UIMC1: variants seen among roughly 807,000 people sequenced by gnomAD.
UIMC1 encodes ubiquitin interaction motif containing 1.
In UIMC1, 42 loss-of-function variants were observed where a neutral mutation model predicts 84.9. The ratio of observed to expected loss-of-function variants is 0.49; its 90% confidence interval spans 0.39 to 0.64. UIMC1 has a LOEUF of 0.64. Ranked by LOEUF, UIMC1 falls within the 30% of genes least tolerant of loss-of-function variation. UIMC1 has a pLI of 0.00. For synonymous variants in UIMC1, 281 were observed against 293.0 expected (o/e 0.96, Z 0.42); for missense variants, 825 against 847.6 (o/e 0.97, Z 0.33).
intron 1 of UIMC1, among the ~76,000 whole-genome samples, chr5:177,016,408 C>T (rs1477213879): frequency 2.7e-5 from 4 of 150,854 alleles, no homozygotes; most frequent in Non-Finnish European, 5.9e-5. Context: ...TAAAATTATC[C>T]AGGCTGGGCA....
chr5:176,947,002 G>T (rs1765206361), intron 9 of UIMC1, among the ~76,000 whole-genome samples: 1 of 152,162 alleles, frequency 6.6e-6, no homozygotes, highest in Non-Finnish European at 1.5e-5. Flanking sequence ...AATGTTACAT[G>T]ACGCAAATGT....
At position 177,003,138 on chromosome 5, in the gene UIMC1, CT is replaced by C. The variant is rs368147912; in HGVS notation, c.-9+3511del. Among the ~76,000 whole-genome samples, 44 of 152,160 alleles carry C rather than the reference CT, an allele frequency of 2.9e-4. No individual in the cohort carries two copies. The East Asian group carries it at 7.7e-3, about 27-fold the overall frequency. ...AAAAAAATTAAAGTGCCACGAAGCACTTTATCAACTAATTACAATGAGCTTA... is the reference window on the plus strand; with the variant it reads ...AAAAAAATTAAAGTGCCACGAAGCACTTATCAACTAATTACAATGAGCTTA... On this transcript the variant is annotated intron_variant, in intron 1 of 14. Coordinates refer to ENST00000511320, the MANE Select transcript of UIMC1 (RefSeq NM_001199298.2).
intron 6 of UIMC1, among the ~76,000 whole-genome samples, chr5:176,967,211 T>C (rs543201999): frequency 1.3e-5 from 2 of 152,236 alleles, no homozygotes; most frequent in African/African-American, 4.8e-5. Flanking sequence ...ATCTTCCATG[T>C]GGATGAAATG....
chr5:176,999,912 T>A (rs1000594600), intron 1 of UIMC1, among the ~76,000 whole-genome samples: 5 of 152,230 alleles, frequency 3.3e-5, no homozygotes, highest in African/African-American at 1.2e-4. Flanking sequence ...TTTGGATACA[T>A]ACCCAGCAGT....
rs573803803 is a variant in UIMC1, at chr5:176,942,663, G to A, written c.1597+672C>T. Among the ~76,000 whole-genome samples, 5 of 150,108 alleles carry A rather than the reference G, an allele frequency of 3.3e-5. No homozygotes were observed. In the East Asian group the frequency reaches 1.0e-3, roughly 30 times the overall value. On this transcript the variant is annotated intron_variant, in intron 10 of 14. Transcript: ENST00000511320. Reference sequence around the variant, plus strand: ...CGGGAGGCTGAGGCAGGAGAATGGTGTGAACCCAGGAGGCGGAGCTTTCAG... The same window carrying A: ...CGGGAGGCTGAGGCAGGAGAATGGTATGAACCCAGGAGGCGGAGCTTTCAG...
chr5:177,005,363 C>G (rs991893878), intron 1 of UIMC1, among the ~76,000 whole-genome samples: 2 of 152,062 alleles, frequency 1.3e-5, no homozygotes, highest in African/African-American at 4.8e-5. Flanking sequence ...GAGTGAGCCA[C>G]CAGGCCCGTC....
chr5:177,021,800 T>C (rs11957388), intron 1 of UIMC1, among the ~76,000 whole-genome samples: 21,147 of 152,106 alleles, frequency 0.14, 3,559 homozygotes, highest in African/African-American at 0.4. Flanking sequence ...TACAGGCATG[T>C]GCCACCACAC....
intron 1 of UIMC1, among the ~76,000 whole-genome samples, chr5:176,993,163 A>T (rs996980438): frequency 3.4e-5 from 5 of 148,880 alleles, no homozygotes; most frequent in Non-Finnish European, 7.4e-5. Context: ...CCTGGGCAAC[A>T]GAGCAAGACT....
intron 3 of UIMC1, among the ~76,000 whole-genome samples, chr5:176,974,275 A>G (rs534361566): frequency 2.6e-5 from 4 of 152,306 alleles, no homozygotes; most frequent in African/African-American, 7.2e-5. Context: ...AGACCCATGC[A>G]TTGATTTTCA....
intron 10 of UIMC1, among the ~76,000 whole-genome samples, chr5:176,916,721 C>T (rs187104268): frequency 5.5e-4 from 83 of 152,216 alleles, no homozygotes; most frequent in African/African-American, 1.9e-3. Flanking sequence ...ATTTCTTAGC[C>T]TTATCCAAAG....
At chr5:176,969,936 G>A in intron 4 of UIMC1, 1 of 455,754 alleles carries the variant, frequency 2.2e-6, no homozygotes. Flanking sequence ...GGCATAAAAA[G>A]ATGGTTCAGG....
chr5:176,935,526 A>G (rs1455430028), intron 10 of UIMC1, among the ~76,000 whole-genome samples: 1 of 152,116 alleles, frequency 6.6e-6, no homozygotes, highest in East Asian at 1.9e-4. Flanking sequence ...TGTCCCCAAA[A>G]TCCTTATTAC....
In UIMC1 at chr5:176,943,377, G is replaced by C. The variant is rs764607271; in HGVS notation, c.1555C>G (p.Arg519Gly). Residue 519 changes from arginine (R) to glycine (G), a missense_variant, in exon 10 of 15, where the codon CGA (arginine) becomes GGA (glycine). Transcript: ENST00000511320. ...AGACCATTGCAGTACATGGCATGTC[G>C]TTCAATCTTTGTGGGTGGAAAGCAT... ...DQCFPPTKIE[R>G]HAMYCNGLME... The C allele has an allele frequency of 3.4e-5, 55 of 1,613,960 alleles. No homozygotes were observed. The Admixed American group carries it at 9.2e-4, about 27-fold the overall frequency.
Position 176,980,287 on chromosome 5 carries a change from CCCTTCTGTCCGT to C in UIMC1, c.147+2170_147+2181del, listed in dbSNP as rs1470094784. ...GTCCATCTGTCCTTCCATCCATCCA[CCCTTCTGTCCGT>C]CCTTCTGTCCGTCCATCCGTCCATC... On this transcript the variant is annotated intron_variant, in intron 2 of 14. Coordinates refer to ENST00000511320, the MANE Select transcript of UIMC1 (RefSeq NM_001199298.2). 590 of 152,272 alleles carry C rather than the reference CCCTTCTGTCCGT, an allele frequency of 3.9e-3. 2 individuals are homozygous for C. Among genetic ancestry groups the C allele is most frequent in the African/African-American group, 0.013 (538 of 41,528 alleles). 9.4% of individuals were successfully genotyped at this position (152,272 alleles called of 1,614,324 possible). A position where few individuals can be genotyped will look rare whatever the true frequency, so the allele number is the denominator to read the frequency against.
At chr5:177,017,694 G>T in intron 1 of UIMC1, among the ~76,000 whole-genome samples, 1 of 146,012 alleles carries the variant, frequency 6.8e-6, no homozygotes, top group Non-Finnish European at 1.5e-5. Flanking sequence ...TTTTGAGACA[G>T]GGTCTTGCTG....
rs1765876801 is a variant in UIMC1 at position 176,951,527 on chromosome 5, G to A, written c.1390C>T (p.Pro464Ser). Residue 464 changes from proline to serine, a missense_variant, in exon 9 of 15, where the codon CCA (proline) becomes TCA (serine). By Grantham distance (74) the Pro-to-Ser change is moderately conservative (BLOSUM62 -1). Coordinates refer to ENST00000511320, the MANE Select transcript of UIMC1 (RefSeq NM_001199298.2). The part of the protein sequence containing the change: ...ETFDLEREVS[P>S]GSRDILDGVR... ...CCATCCAAGATATCTCTGCTACCTG[G>A]AGAGACTTCTCTTTCAAGGTCAAAA... 6.3e-7 allele frequency: 1 copy of A among 1,588,332 alleles called. No homozygotes were observed. The highest frequency in any genetic ancestry group is 8.6e-7 in the Non-Finnish European group (1 of 1,168,734).
intron 10 of UIMC1, among the ~76,000 whole-genome samples, chr5:176,933,442 G>A (rs1763355914): frequency 6.6e-6 from 1 of 151,882 alleles, no homozygotes; most frequent in African/African-American, 2.4e-5. Flanking sequence ...ATAAGCTACT[G>A]GTAACTTTAT....
intron 1 of UIMC1, among the ~76,000 whole-genome samples, chr5:177,019,667 C>T (rs1775745937): frequency 6.6e-6 from 1 of 151,422 alleles, no homozygotes; most frequent in South Asian, 2.1e-4. Context: ...TGTGGTAGCT[C>T]ATGCCTGTAA....
At chr5:176,951,445 T>C (rs748160460) in intron 9 of UIMC1, 29 bp downstream of exon 9, 1 of 1,475,832 alleles carries the variant, frequency 6.8e-7, no homozygotes. Context: ...AAGAAACCAC[T>C]GAGAAAAAAT....
Sources: gnomAD v4.1 joint callset for allele counts (sites outside exome capture counted in the v4.1 genomes callset) on GRCh38, gnomAD v4.1.1 for gene constraint, MANE v1.5 for transcripts, NCBI Gene and HGNC (gene_info 2026-07-23, HGNC 2026-07-21) for gene names.